The following PCDH15 variants were observed in gnomAD, a reference collection of about 807,000 sequenced individuals.
PCDH15 encodes the protein protocadherin related 15.
In PCDH15, 129 loss-of-function variants were observed where a neutral mutation model predicts 178.5. The observed-to-expected ratio is 0.72, with a 90% CI of 0.63 to 0.84. The LOEUF (loss-of-function observed/expected upper bound fraction) is 0.84. Among genes scored for constraint, PCDH15 ranks in the 40% least tolerant of loss-of-function variants. The probability of loss-of-function intolerance (pLI) is 0.00; values close to 1 mark genes in which losing one functional copy is unlikely to be tolerated. For synonymous variants in PCDH15, 800 were observed against 732.0 expected, an observed-to-expected ratio of 1.09 and a Z score of -1.50; for missense variants, 2,230 against 2,099.9, an observed-to-expected ratio of 1.06 and a Z score of -1.21.
intron 2 of PCDH15, among the ~76,000 whole-genome samples, chr10:55,036,584 C>G (rs558399166): frequency 1.3e-5 from 2 of 152,208 alleles, no homozygotes; most frequent in Non-Finnish European, 2.9e-5. Context: ...GGCAGTATAT[C>G]CCTCCTCAGC....
chr10:54,418,739 G>T (rs1383086955), intron 3 of PCDH15, among the ~76,000 whole-genome samples: 1 of 151,676 alleles, frequency 6.6e-6, no homozygotes, highest in East Asian at 1.9e-4. Context: ...GGGTGAGAAG[G>T]CCTATTGAAA....
At chr10:55,086,520 G>A (rs1472185501) in intron 2 of PCDH15, among the ~76,000 whole-genome samples, 1 of 152,010 alleles carries the variant, frequency 6.6e-6, no homozygotes, top group Non-Finnish European at 1.5e-5. Flanking sequence ...CCAGTCTATA[G>A]ATATATCTTC....
chr10:55,583,568 G>C (rs956815151), intron 2 of PCDH15, among the ~76,000 whole-genome samples: 11 of 152,064 alleles, frequency 7.2e-5, no homozygotes, highest in Non-Finnish European at 1.5e-4. Context: ...CTAGTAGCTG[G>C]AATTACAGGC....
intron 1 of PCDH15, among the ~76,000 whole-genome samples, chr10:55,187,991 G>A (rs926027172): frequency 6.6e-6 from 1 of 151,936 alleles, no homozygotes; most frequent in Non-Finnish European, 1.5e-5. Flanking sequence ...CTATGGCAAT[G>A]GTCCAGGCAG....
At chr10:54,056,082 C>T (rs2093879558) in intron 18 of PCDH15, among the ~76,000 whole-genome samples, 1 of 152,182 alleles carries the variant, frequency 6.6e-6, no homozygotes, top group South Asian at 2.1e-4. Context: ...CTGAGAGGCA[C>T]ATCCAAGTCC....
intron 1 of PCDH15, among the ~76,000 whole-genome samples, chr10:55,231,646 C>G (rs186745079): frequency 9.2e-5 from 14 of 151,892 alleles, no homozygotes; most frequent in Admixed American, 7.9e-4. Flanking sequence ...ATGGCATGAT[C>G]AAATTTGTTT....
At chr10:55,235,459 C>T (rs1355140373) in intron 1 of PCDH15, among the ~76,000 whole-genome samples, 1 of 152,090 alleles carries the variant, frequency 6.6e-6, no homozygotes, top group African/African-American at 2.4e-5. Context: ...TTCTTAAAGT[C>T]CATACATTCT....
At chr10:54,071,972 C>G (rs1381823649) in intron 17 of PCDH15, among the ~76,000 whole-genome samples, 1 of 151,960 alleles carries the variant, frequency 6.6e-6, no homozygotes, top group Admixed American at 6.6e-5. Context: ...TTTTTAGATA[C>G]TTTAAATATC....
chr10:54,402,503 A>T (rs1952058174), intron 3 of PCDH15, among the ~76,000 whole-genome samples: 1 of 151,998 alleles, frequency 6.6e-6, no homozygotes, highest in Non-Finnish European at 1.5e-5. Context: ...AACTCCATAA[A>T]TACGGCATTT....
chr10:54,722,221 TA>T (rs1222387161), intron 1 of PCDH15, among the ~76,000 whole-genome samples: 2 of 151,808 alleles, frequency 1.3e-5, no homozygotes, highest in African/African-American at 4.8e-5. Context: ...TACCTCAATA[TA>T]ATAAGAGCCA....
At chr10:55,529,709 G>A (rs960100188) in intron 2 of PCDH15, among the ~76,000 whole-genome samples, 208 of 124,996 alleles carry the variant, frequency 1.7e-3, no homozygotes, top group African/African-American at 5.7e-3. Flanking sequence ...ATATATATAT[G>A]TGTGTATATA....
chr10:54,619,119 C>A (rs1171687093), intron 2 of PCDH15: 2 of 151,382 alleles, frequency 1.3e-5, no homozygotes, highest in East Asian at 3.9e-4. Flanking sequence ...AAACATCTTA[C>A]ATTTTATTTT....
chr10:54,823,526 A>AT (rs1159334604), intron 3 of PCDH15, among the ~76,000 whole-genome samples: 1 of 152,124 alleles, frequency 6.6e-6, no homozygotes, highest in Admixed American at 6.6e-5. Context: ...ATTTTTATAT[A>AT]TTTTTATGTT....
At chr10:55,414,770 GGTGT>G (rs71014486) in intron 2 of PCDH15, among the ~76,000 whole-genome samples, 33,117 of 146,746 alleles carry the variant, frequency 0.23, 4,067 homozygotes, top group African/African-American at 0.34. Context: ...TCTAACAAGG[GGTGT>G]GTGTGTGTGT....
chr10:54,646,362 G>A (rs1321857261), intron 2 of PCDH15, among the ~76,000 whole-genome samples: 1 of 152,042 alleles, frequency 6.6e-6, no homozygotes, highest in Non-Finnish European at 1.5e-5. Flanking sequence ...TGGTACCTAT[G>A]GTAGGTCCTG....
chr10:55,403,018 G>A (rs1288238157), intron 2 of PCDH15, among the ~76,000 whole-genome samples: 1 of 151,814 alleles, frequency 6.6e-6, no homozygotes. Context: ...CACTCTAACT[G>A]GGGTAGGAGA....
At chr10:54,966,798 T>G (rs545362480) in intron 2 of PCDH15, among the ~76,000 whole-genome samples, 28 of 152,122 alleles carry the variant, frequency 1.8e-4, no homozygotes, top group Admixed American at 2.6e-4. Flanking sequence ...CCACCATGAT[T>G]GTGAGGCCTT....
intron 2 of PCDH15, among the ~76,000 whole-genome samples, chr10:55,447,253 A>G (rs1839337500): frequency 6.6e-6 from 1 of 152,088 alleles, no homozygotes; most frequent in Non-Finnish European, 1.5e-5. Flanking sequence ...TATTGTTAAT[A>G]GCAACAAGTA....
intron 1 of PCDH15, among the ~76,000 whole-genome samples, chr10:55,212,832 A>G (rs1486726743): frequency 2.0e-5 from 3 of 152,114 alleles, no homozygotes; most frequent in Non-Finnish European, 4.4e-5. Context: ...CATTGGCTAT[A>G]GTCCTACTTT....
Sources: gnomAD v4.1 joint callset for allele counts (sites outside exome capture counted in the v4.1 genomes callset) on GRCh38, gnomAD v4.1.1 for gene constraint, MANE v1.5 for transcripts, NCBI Gene and HGNC (gene_info 2026-07-23, HGNC 2026-07-21) for gene names.